Variants in PRRG2 observed in about 807,000 individuals in gnomAD.
PRRG2 encodes transmembrane gamma-carboxyglutamic acid protein 2.
Under a neutral mutation model 27.1 loss-of-function variants are expected in PRRG2, and 23 were observed. That is an observed-to-expected ratio of 0.85 (90% CI 0.61 to 1.20). PRRG2 has a LOEUF of 1.20. PRRG2 is among the 50% of genes most tolerant of loss of function. PRRG2 has a pLI of 0.00. For synonymous variants in PRRG2, 104 were observed against 103.4 expected (o/e 1.01, Z -0.03); for missense variants, 276 against 254.8 (o/e 1.08, Z -0.57).
intron 4 of PRRG2, among the ~76,000 whole-genome samples, chr19:49,584,422 G>A (rs555516284): frequency 3.6e-4 from 54 of 151,808 alleles, no homozygotes; most frequent in African/African-American, 1.1e-3. Context: ...TGCCCGCCTC[G>A]GCCTCCCAAA....
chr19:49,586,434 GAGT>G (rs1398360408), intron 4 of PRRG2, among the ~76,000 whole-genome samples: 12 of 150,490 alleles, frequency 8.0e-5, no homozygotes, highest in African/African-American at 2.9e-4. Context: ...ACCCAGGCTG[GAGT>G]ATAGTGGAGT....
chr19:49,584,127 T>C lies in PRRG2; in HGVS notation c.301+175T>C, dbSNP rs537573836. On this transcript the variant is annotated intron_variant, in intron 4 of 6. Transcript: ENST00000246794. The stretch of plus-strand genomic sequence containing the variant: ...CCCTCCCTTAAGACCCCAGCTTGCC[T>C]GAGGAGCCCCCCACACCTTATTTTA... Among the ~76,000 whole-genome samples the C allele has an allele frequency of 4.6e-5, 7 of 151,896 alleles. No individual in the cohort carries two copies. In the South Asian group the frequency reaches 1.5e-3, roughly 32 times the overall value.
intron 4 of PRRG2, among the ~76,000 whole-genome samples, chr19:49,586,634 C>G (rs570271425): frequency 6.6e-6 from 1 of 152,078 alleles, no homozygotes; most frequent in South Asian, 2.1e-4. Flanking sequence ...GGGTGGATCA[C>G]GAGGTCAAGA....
intron 2 of PRRG2, 28 bp from the exon 3 acceptor site, chr19:49,583,514 T>C: frequency 6.2e-7 from 1 of 1,611,666 alleles, no homozygotes; most frequent in East Asian, 2.2e-5. Context: ...ACCCTCCATT[T>C]TTCTGTCCCT....
In PRRG2 at chr19:49,590,498, G is replaced by A; in HGVS notation, c.*109G>A. On this transcript the variant is annotated 3_prime_UTR_variant, in exon 7 of 7. Transcript: ENST00000246794. Reference sequence around the variant, plus strand: ...GAAGCTGGACTTGGAGTGGGGAATGGTGGGAGTAGGGGTCATCCGGCCCGA... The same window carrying A: ...GAAGCTGGACTTGGAGTGGGGAATGATGGGAGTAGGGGTCATCCGGCCCGA... The A allele has an allele frequency of 6.7e-7, 1 of 1,497,046 alleles. No homozygotes were observed. The highest frequency in any genetic ancestry group is 9.2e-7 in the Non-Finnish European group (1 of 1,081,096). The allele number at this position is 1,497,046 out of a possible 1,614,324, so 92.7% of individuals were successfully genotyped here.
intron 6 of PRRG2, 158 bp downstream of exon 6, chr19:49,590,210 T>G (rs1035271333): frequency 1.4e-6 from 2 of 1,418,854 alleles, no homozygotes; most frequent in East Asian, 4.6e-5. Context: ...TCTAGGGGCG[T>G]GGCCCAGCGT....
Position 49,581,340 on chromosome 19 carries a change from G to A in PRRG2, c.-155G>A, listed in dbSNP as rs930492524. ...AAGTTCCGCCCACCTGCCAGAAACG[G>A]GGATCAGGCCTGGTTACCGGGAGTG... On this transcript the variant is annotated 5_prime_UTR_variant, in exon 1 of 7. Coordinates refer to ENST00000246794, the MANE Select transcript of PRRG2 (RefSeq NM_000951.3). 2.6e-5 allele frequency: 4 copies of A among 152,228 alleles called. No individual in the cohort carries two copies. The highest frequency in any genetic ancestry group is 9.7e-5 in the African/African-American group (4 of 41,434). 9.4% of individuals were successfully genotyped at this position (152,228 alleles called of 1,614,324 possible).
In PRRG2 at chr19:49,583,524, T is replaced by C; in HGVS notation, c.86-18T>C. 1 of 1,613,188 alleles carries C rather than the reference T, an allele frequency of 6.2e-7. No homozygotes were observed. The highest frequency in any genetic ancestry group is 1.1e-5 in the South Asian group (1 of 91,046). ...TAGGGACCCTCCATTTTTCTGTCCC[T>C]CATGTCTTTGGGTCCAGAAGTCTTC... is the stretch of plus-strand genomic sequence containing the variant. On this transcript the variant is annotated intron_variant, in intron 2 of 6. Coordinates refer to ENST00000246794, the MANE Select transcript of PRRG2 (RefSeq NM_000951.3).
chr19:49,589,778 A>G, intron 5 of PRRG2, 122 bp from the exon 6 acceptor site: 2 of 1,118,966 alleles, frequency 1.8e-6, no homozygotes, highest in South Asian at 1.4e-5. Context: ...TCTGAAGTCC[A>G]CCTCCCTTCC....
At chr19:49,581,568 C>T (rs1035127210) in intron 1 of PRRG2, 87 bp downstream of exon 1, 1 of 151,652 alleles carries the variant, frequency 6.6e-6, no homozygotes, top group Non-Finnish European at 1.5e-5. Flanking sequence ...AAGTTTGGGG[C>T]TCCTAGGCCC....
chr19:49,583,472 C>T (rs1043014302), intron 2 of PRRG2, 70 bp from the exon 3 acceptor site: 4 of 1,566,590 alleles, frequency 2.6e-6, no homozygotes, highest in Non-Finnish European at 3.5e-6. Flanking sequence ...GACCCCACTG[C>T]TTTCCATCCC....
At chr19:49,586,989 A>C (rs1214880378) in intron 4 of PRRG2, among the ~76,000 whole-genome samples, 1 of 150,574 alleles carries the variant, frequency 6.6e-6, no homozygotes, top group Non-Finnish European at 1.5e-5. Context: ...AAATACAAAA[A>C]ATTACAAAAA....
intron 4 of PRRG2, among the ~76,000 whole-genome samples, chr19:49,586,310 C>T (rs899734639): frequency 2.0e-5 from 3 of 151,662 alleles, no homozygotes; most frequent in African/African-American, 7.3e-5. Flanking sequence ...CTGCTCTCGA[C>T]CTCCTAGGCT....
At chr19:49,588,744 C>G (rs943985734) in intron 5 of PRRG2, 112 bp downstream of exon 5, 7 of 1,307,324 alleles carry the variant, frequency 5.4e-6, no homozygotes, top group Middle Eastern at 2.6e-4. Context: ...GATGAAAGAC[C>G]TAAGGACACA....
chr19:49,587,474 G>A (rs2122249282), intron 4 of PRRG2, among the ~76,000 whole-genome samples: 1 of 144,636 alleles, frequency 6.9e-6, no homozygotes, highest in East Asian at 2.0e-4. Flanking sequence ...CACCAAGCCT[G>A]GTTAATTTTT....
intron 4 of PRRG2, among the ~76,000 whole-genome samples, chr19:49,585,570 G>A (rs751237888): frequency 5.3e-5 from 8 of 152,032 alleles, no homozygotes; most frequent in Non-Finnish European, 1.0e-4. Flanking sequence ...GGCCAAGGCA[G>A]GCGGATCACC....
At chr19:49,586,941 T>C (rs1320798046) in intron 4 of PRRG2, among the ~76,000 whole-genome samples, 1 of 152,120 alleles carries the variant, frequency 6.6e-6, no homozygotes, top group East Asian at 1.9e-4. Flanking sequence ...GATTGGTGGA[T>C]TGCTTGAGCC....
At position 49,590,500 on chromosome 19, in the gene PRRG2, G is replaced by T. The variant is rs2080712595; in HGVS notation, c.*111G>T. 1 of 1,464,268 alleles carries T rather than the reference G, an allele frequency of 6.8e-7. No individual in the cohort carries two copies. The highest frequency in any genetic ancestry group is 9.4e-7 in the Non-Finnish European group (1 of 1,059,008). 90.7% of individuals were successfully genotyped at this position (1,464,268 alleles called of 1,614,324 possible). On this transcript the variant is annotated 3_prime_UTR_variant, in exon 7 of 7. Transcript: ENST00000246794. Reference sequence around the variant, plus strand: ...AGCTGGACTTGGAGTGGGGAATGGTGGGAGTAGGGGTCATCCGGCCCGAGG... The same window carrying T: ...AGCTGGACTTGGAGTGGGGAATGGTTGGAGTAGGGGTCATCCGGCCCGAGG...
intron 4 of PRRG2, among the ~76,000 whole-genome samples, chr19:49,586,354 T>C (rs962194231): frequency 6.6e-6 from 1 of 150,530 alleles, no homozygotes; most frequent in Admixed American, 6.6e-5. Flanking sequence ...TCCAAAGTGC[T>C]GGAATTACAA....
Sources: allele counts gnomAD v4.1 joint callset (sites outside exome capture counted in the v4.1 genomes callset), GRCh38; gene constraint gnomAD v4.1.1; transcripts MANE v1.5; gene names NCBI Gene and HGNC (gene_info 2026-07-23, HGNC 2026-07-21).